Variants in DCC observed in about 807,000 individuals in gnomAD.
DCC encodes the protein DCC netrin 1 receptor, also known as netrin receptor DCC.
In DCC, 58 loss-of-function variants were observed where a neutral mutation model predicts 172.5. The ratio of observed to expected loss-of-function variants is 0.34; its 90% confidence interval spans 0.27 to 0.42. The LOEUF (loss-of-function observed/expected upper bound fraction) is 0.42, where lower values mean the gene tolerates loss of function less well. Among genes scored for constraint, DCC ranks in the 10% least tolerant of loss-of-function variants. DCC has a pLI of 1.00. For synonymous variants in DCC, 709 were observed against 644.5 expected, an observed-to-expected ratio of 1.10 and a Z score of -1.52; for missense variants, 1,740 against 1,791.0, an observed-to-expected ratio of 0.97 and a Z score of 0.51.
At chr18:52,535,307 A>G (rs1003232890) in intron 1 of DCC, among the ~76,000 whole-genome samples, 1 of 152,234 alleles carries the variant, frequency 6.6e-6, no homozygotes, top group African/African-American at 2.4e-5. Flanking sequence ...TAAGCCTGGA[A>G]CGTGGAGCAC....
intron 2 of DCC, among the ~76,000 whole-genome samples, chr18:52,834,154 C>T (rs1010638749): frequency 4.6e-5 from 7 of 152,108 alleles, no homozygotes; most frequent in African/African-American, 1.7e-4. Context: ...TGAATATTAG[C>T]CTCATGCCTT....
intron 2 of DCC, among the ~76,000 whole-genome samples, chr18:52,815,335 A>T (rs1412055237): frequency 1.3e-5 from 2 of 152,000 alleles, no homozygotes; most frequent in Non-Finnish European, 2.9e-5. Context: ...GTGGGTCCCT[A>T]ATCCGATAGG....
At chr18:53,024,888 C>G (rs1353843716) in intron 5 of DCC, among the ~76,000 whole-genome samples, 1 of 152,088 alleles carries the variant, frequency 6.6e-6, no homozygotes, top group Admixed American at 6.6e-5. Flanking sequence ...AAATAAAACA[C>G]TCTACCTGTG....
chr18:52,497,548 T>C (rs2030849386), intron 1 of DCC, among the ~76,000 whole-genome samples: 1 of 151,954 alleles, frequency 6.6e-6, no homozygotes, highest in African/African-American at 2.4e-5. Context: ...TGCCAACACC[T>C]AAACTGGAGG....
At chr18:53,047,127 TG>T (rs1276607819) in intron 5 of DCC, among the ~76,000 whole-genome samples, 3 of 149,262 alleles carry the variant, frequency 2.0e-5, no homozygotes, top group African/African-American at 7.4e-5. Flanking sequence ...AAGGTAAATA[TG>T]TTTATCAACT....
intron 12 of DCC, among the ~76,000 whole-genome samples, chr18:53,239,580 C>T (rs2056258149): frequency 6.6e-6 from 1 of 152,150 alleles, no homozygotes; most frequent in South Asian, 2.1e-4. Context: ...GGGCTTACAT[C>T]ACTGGGCCCT....
At chr18:53,433,122 C>T (rs1911726734) in intron 21 of DCC, among the ~76,000 whole-genome samples, 1 of 152,028 alleles carries the variant, frequency 6.6e-6, no homozygotes, top group South Asian at 2.1e-4. Context: ...AGTAGAATGT[C>T]CAAGCTTTAA....
Position 53,499,340 on chromosome 18 carries a change from C to T in DCC, c.3941C>T (p.Pro1314Leu). 6.2e-7 allele frequency: 1 copy of T among 1,614,026 alleles called. No homozygotes were observed. The highest frequency in any genetic ancestry group is 8.5e-7 in the Non-Finnish European group (1 of 1,180,004). The change falls in exon 27 of 29, where the codon CCC becomes CTC. Residue 1314 changes from proline (P) to leucine (L), a missense_variant. Pro to Leu is a moderately conservative substitution (Grantham distance 98). Around this residue, in one of 2 missense-constraint regions of DCC, gnomAD observed 1,732 missense variants for 1,767.4 expected, o/e 0.98. Transcript: ENST00000442544. Reference protein sequence around the residue: ...GPTTQQPPMLPPSQPEHSSSE... With the variant: ...GPTTQQPPMLLPSQPEHSSSE... ...ACTACCCAACAACCACCTATGCTGC[C>T]CCCATCTCAGCCTGAGCATTCTAGC...
chr18:53,041,947 G>T (rs2042174273), intron 5 of DCC, among the ~76,000 whole-genome samples: 4 of 152,158 alleles, frequency 2.6e-5, no homozygotes, highest in Non-Finnish European at 2.9e-5. Flanking sequence ...CATGTCATCT[G>T]CAAACAGAGA....
chr18:52,446,796 C>T (rs1988138420), intron 1 of DCC, among the ~76,000 whole-genome samples: 1 of 152,146 alleles, frequency 6.6e-6, no homozygotes, highest in Admixed American at 6.5e-5. Flanking sequence ...CTCACCAGAC[C>T]CCCTGGGACT....
chr18:53,224,625 T>C (rs2055996177), intron 12 of DCC, among the ~76,000 whole-genome samples: 1 of 151,854 alleles, frequency 6.6e-6, no homozygotes, highest in Non-Finnish European at 1.5e-5. Flanking sequence ...TAGGAGGTGA[T>C]GGAGAGGGAA....
chr18:52,746,616 A>G (rs1051199190), intron 1 of DCC, among the ~76,000 whole-genome samples: 2 of 152,156 alleles, frequency 1.3e-5, no homozygotes, highest in Admixed American at 6.5e-5. Context: ...GAATATGATA[A>G]AGAGAGCAAG....
chr18:53,485,951 C>T (rs1428062824), intron 25 of DCC, among the ~76,000 whole-genome samples: 3 of 151,960 alleles, frequency 2.0e-5, no homozygotes, highest in East Asian at 1.9e-4. Context: ...ATTTCATAGA[C>T]AGGAATATAC....
chr18:52,875,660 A>C (rs1172948856), intron 2 of DCC, among the ~76,000 whole-genome samples: 1 of 152,196 alleles, frequency 6.6e-6, no homozygotes, highest in Non-Finnish European at 1.5e-5. Context: ...AATTCATAAC[A>C]ATGCTATGAT....
chr18:53,446,942 C>G (rs1274958125), intron 22 of DCC, among the ~76,000 whole-genome samples: 1 of 152,130 alleles, frequency 6.6e-6, no homozygotes, highest in East Asian at 1.9e-4. Context: ...TGTGGTGTGA[C>G]TTACAGAGAA....
intron 24 of DCC, among the ~76,000 whole-genome samples, chr18:53,463,720 G>A (rs2045586441): frequency 6.6e-6 from 1 of 152,058 alleles, no homozygotes; most frequent in Non-Finnish European, 1.5e-5. Context: ...TCACAGCCAG[G>A]ACCAAAAAAA....
At chr18:52,567,618 T>C (rs562877302) in intron 1 of DCC, among the ~76,000 whole-genome samples, 2 of 152,230 alleles carry the variant, frequency 1.3e-5, no homozygotes, top group South Asian at 4.1e-4. Flanking sequence ...ATAATGTGTA[T>C]GCGTCAACAC....
intron 5 of DCC, among the ~76,000 whole-genome samples, chr18:53,006,012 CAA>C (rs768057553): frequency 6.6e-5 from 10 of 152,110 alleles, no homozygotes; most frequent in Non-Finnish European, 1.5e-4. Flanking sequence ...CTGGATGAGA[CAA>C]TGACAAAATC....
intron 7 of DCC, among the ~76,000 whole-genome samples, chr18:53,110,414 T>A (rs1028293455): frequency 6.6e-6 from 1 of 151,588 alleles, no homozygotes; most frequent in African/African-American, 2.4e-5. Flanking sequence ...AATCAGCAAG[T>A]TTTAAATTTT....
Sources: allele counts gnomAD v4.1 joint callset (sites outside exome capture counted in the v4.1 genomes callset), GRCh38; gene constraint gnomAD v4.1.1; regional missense constraint gnomAD v4.1.1; transcripts MANE v1.5; gene names NCBI Gene and HGNC (gene_info 2026-07-23, HGNC 2026-07-21).